GABRB2: variants seen among roughly 807,000 people sequenced by gnomAD.
GABRB2 encodes gamma-aminobutyric acid receptor subunit beta-2.
A neutral mutation model predicts 54.7 loss-of-function variants in GABRB2; 16 were observed. That is an observed-to-expected ratio of 0.29 (90% CI 0.20 to 0.44). The LOEUF is 0.44. GABRB2 is among the 20% of genes least tolerant of loss of function. The pLI is 1.00. For synonymous variants in GABRB2, 244 were observed against 233.8 expected, an observed-to-expected ratio of 1.04 and a Z score of -0.40; for missense variants, 355 against 644.0, an observed-to-expected ratio of 0.55 and a Z score of 4.86.
chr5:161,360,761 T>C (rs997954404), intron 5 of GABRB2, among the ~76,000 whole-genome samples: 4 of 152,144 alleles, frequency 2.6e-5, no homozygotes, highest in Non-Finnish European at 4.4e-5. Flanking sequence ...TATTTCCTGA[T>C]GCAAATACCT....
At chr5:161,507,572 A>G (rs746210999) in intron 3 of GABRB2, among the ~76,000 whole-genome samples, 5 of 152,032 alleles carry the variant, frequency 3.3e-5, no homozygotes, top group African/African-American at 4.8e-5. Flanking sequence ...ATATGTGTGT[A>G]CACACACACA....
intron 3 of GABRB2, among the ~76,000 whole-genome samples, chr5:161,488,605 T>A (rs1293355896): frequency 1.3e-5 from 2 of 151,866 alleles, no homozygotes; most frequent in South Asian, 4.1e-4. Flanking sequence ...CTCCCAGTTA[T>A]AAAAATGGCT....
chr5:161,393,301 A>G (rs1302178105), intron 5 of GABRB2, among the ~76,000 whole-genome samples: 2 of 2,532 alleles, frequency 7.9e-4, no homozygotes, highest in Non-Finnish European at 1.9e-3. Context: ...TAAAAATGTA[A>G]AAAAAAAAAA....
At chr5:161,334,379 T>A (rs1374204214) in intron 7 of GABRB2, among the ~76,000 whole-genome samples, 9 of 152,158 alleles carry the variant, frequency 5.9e-5, no homozygotes, top group African/African-American at 2.2e-4. Context: ...ACACACAACA[T>A]CTTCTTGTCT....
intron 3 of GABRB2, among the ~76,000 whole-genome samples, chr5:161,511,658 G>A (rs549107445): frequency 2.6e-5 from 4 of 152,096 alleles, no homozygotes; most frequent in Admixed American, 1.3e-4. Context: ...AGTTCTGGAG[G>A]CAAGAAGCTC....
intron 5 of GABRB2, among the ~76,000 whole-genome samples, chr5:161,372,297 G>A (rs1279649473): frequency 6.6e-6 from 1 of 152,186 alleles, no homozygotes; most frequent in Non-Finnish European, 1.5e-5. Context: ...GCCCCTGCAT[G>A]GCCAGGATCA....
chr5:161,326,022 GA>G (rs1294952068), intron 9 of GABRB2, among the ~76,000 whole-genome samples: 2 of 152,030 alleles, frequency 1.3e-5, no homozygotes, highest in African/African-American at 2.4e-5. Flanking sequence ...CAAAGAGTCT[GA>G]AAAAAGCAAA....
intron 4 of GABRB2, among the ~76,000 whole-genome samples, chr5:161,438,090 C>T: frequency 6.6e-6 from 1 of 152,204 alleles, no homozygotes; most frequent in East Asian, 1.9e-4. Flanking sequence ...AGGCCTTGTC[C>T]AAGACCCAGC....
intron 3 of GABRB2, among the ~76,000 whole-genome samples, chr5:161,518,843 G>A (rs573612042): frequency 4.2e-4 from 64 of 152,150 alleles, no homozygotes; most frequent in Admixed American, 5.9e-4. Flanking sequence ...ATTAATATCA[G>A]AACTCTTTGT....
intron 3 of GABRB2, among the ~76,000 whole-genome samples, chr5:161,510,105 G>A (rs1463290039): frequency 6.6e-6 from 1 of 151,776 alleles, no homozygotes; most frequent in Non-Finnish European, 1.5e-5. Flanking sequence ...ATCCCCTCGA[G>A]CATTTATCCT....
At chr5:161,369,538 G>C (rs1486595538) in intron 5 of GABRB2, among the ~76,000 whole-genome samples, 3 of 151,644 alleles carry the variant, frequency 2.0e-5, no homozygotes. Flanking sequence ...GAGAGGGAGA[G>C]AGAGAGAGAG....
chr5:161,450,618 T>G (rs1757763839), intron 4 of GABRB2, among the ~76,000 whole-genome samples: 1 of 152,108 alleles, frequency 6.6e-6, no homozygotes, highest in African/African-American at 2.4e-5. Flanking sequence ...GGCTAAGAGT[T>G]AGGAGCTTGG....
intron 3 of GABRB2, among the ~76,000 whole-genome samples, chr5:161,542,741 G>C (rs1190239598): frequency 6.6e-6 from 1 of 152,152 alleles, no homozygotes; most frequent in African/African-American, 2.4e-5. Context: ...AGTCCACAAA[G>C]GATAATGAGG....
intron 5 of GABRB2, among the ~76,000 whole-genome samples, chr5:161,405,532 A>G (rs905428734): frequency 6.6e-6 from 1 of 152,000 alleles, no homozygotes; most frequent in Non-Finnish European, 1.5e-5. Flanking sequence ...CATAATAGAC[A>G]AGTCTATCTC....
intron 2 of GABRB2, among the ~76,000 whole-genome samples, chr5:161,545,918 G>T (rs897907977): frequency 1.3e-5 from 2 of 152,288 alleles, no homozygotes; most frequent in East Asian, 3.9e-4. Flanking sequence ...CAGGCACAGG[G>T]GGTTAACGCC....
intron 3 of GABRB2, 21 bp downstream of exon 3, chr5:161,545,206 G>A: frequency 6.4e-7 from 1 of 1,573,308 alleles, no homozygotes; most frequent in Non-Finnish European, 8.6e-7. Flanking sequence ...CAAAGAAGTA[G>A]TCATAAATGT....
intron 9 of GABRB2, among the ~76,000 whole-genome samples, chr5:161,314,322 C>T (rs1255551833): frequency 1.3e-5 from 2 of 152,160 alleles, no homozygotes; most frequent in Non-Finnish European, 2.9e-5. Context: ...CCCTTGAAAC[C>T]GGTCCAACTT....
rs543720393 is a variant in GABRB2 at position 161,443,398 on chromosome 5, T to C, written c.458+16226A>G. 2.0e-5 allele frequency among the ~76,000 whole-genome samples: 3 copies of C among 152,238 alleles called. No homozygotes were observed. The East Asian group carries it at 5.8e-4, about 29-fold the overall frequency. On this transcript the variant is annotated intron_variant, in intron 4 of 9. Transcript: ENST00000393959. ...AGAACAAACAGAAGTCCGAACAGGA[T>C]ACTAAAAAATCAAAATCACAAGAAA...
At chr5:161,312,875 A>G (rs1422024393) in intron 9 of GABRB2, among the ~76,000 whole-genome samples, 2 of 147,890 alleles carry the variant, frequency 1.4e-5, no homozygotes, top group Admixed American at 1.4e-4. Context: ...GTGGACGATA[A>G]GAGATAACTC....
Sources: allele counts gnomAD v4.1 joint callset (sites outside exome capture counted in the v4.1 genomes callset), GRCh38; gene constraint gnomAD v4.1.1; transcripts MANE v1.5; gene names NCBI Gene and HGNC (gene_info 2026-07-23, HGNC 2026-07-21).